COQ8A: variants seen among roughly 807,000 people sequenced by gnomAD.
The protein encoded by COQ8A is atypical kinase COQ8A, mitochondrial.
Under a neutral mutation model 65.0 loss-of-function variants are expected in COQ8A, and 51 were observed. The observed-to-expected ratio is 0.78, with a 90% CI of 0.63 to 0.99. COQ8A has a LOEUF of 0.99. COQ8A is among the 50% of genes least tolerant of loss of function. The probability of loss-of-function intolerance (pLI) is 0.00; values close to 1 mark genes in which losing one functional copy is unlikely to be tolerated. For missense variants in COQ8A, 940 were observed against 875.0 expected, an observed-to-expected ratio of 1.07 and a Z score of -0.94; for synonymous variants, 371 against 353.2, an observed-to-expected ratio of 1.05 and a Z score of -0.57.
intron 1 of COQ8A, among the ~76,000 whole-genome samples, chr1:226,953,218 T>TG (rs1657497009): frequency 6.6e-6 from 1 of 152,060 alleles, no homozygotes; most frequent in Non-Finnish European, 1.5e-5. Context: ...TTAGTAGAGA[T>TG]GGGGTTTCAC....
At chr1:226,953,639 GGGGAAGGACGGAGGCTT>G in intron 1 of COQ8A, among the ~76,000 whole-genome samples, 1 of 152,174 alleles carries the variant, frequency 6.6e-6, no homozygotes, top group Non-Finnish European at 1.5e-5. Context: ...CTCACTGACG[GGGGAAGGACGGAGGCTT>G]TTTTCCCTCT....
At chr1:226,954,231 G>C (rs77140491) in intron 1 of COQ8A, among the ~76,000 whole-genome samples, 4,633 of 152,300 alleles carry the variant, frequency 0.03, 259 homozygotes, top group African/African-American at 0.11. Context: ...TCTGTTTCTT[G>C]AAGAATAATG....
intron 1 of COQ8A, among the ~76,000 whole-genome samples, chr1:226,942,842 G>T (rs974322362): frequency 2.0e-5 from 3 of 152,142 alleles, no homozygotes; most frequent in Non-Finnish European, 4.4e-5. Context: ...ACATATTTAC[G>T]TGTGTGTGGA....
chr1:226,983,611 C>T lies in COQ8A; in HGVS notation c.1140C>T (p.Asn380=), dbSNP rs367878969. ...TCAACAACCTCATGGCCGTGTTGAA[C>T]ATGAGCAACATGCTTCCAGAAGGTC... is the stretch of plus-strand genomic sequence containing the variant. ...SDVNNLMAVL[N]MSNMLPEGLF... is the part of the protein sequence containing the mutation. The change falls in exon 9 of 15, where the codon AAC becomes AAT. Residue 380 remains asparagine, a synonymous_variant. Transcript: ENST00000366777. The T allele has an allele frequency of 1.5e-5, 25 of 1,613,868 alleles. No individual in the cohort carries two copies. The highest frequency in any genetic ancestry group is 1.6e-4 in the Middle Eastern group (1 of 6,084).
intron 5 of COQ8A, among the ~76,000 whole-genome samples, chr1:226,978,594 C>G (rs1322088094): frequency 1.3e-5 from 1 of 77,254 alleles, no homozygotes. Context: ...TCTCCACACA[C>G]TCTACCCTCT....
At chr1:226,965,448 C>G in intron 3 of COQ8A, 38 bp downstream of exon 3, 2 of 1,593,404 alleles carry the variant, frequency 1.3e-6, no homozygotes, top group Non-Finnish European at 1.7e-6. Context: ...GAGGTAGCTG[C>G]CACCCACAGC....
At chr1:226,981,766 C>G (rs1438883420) in intron 5 of COQ8A, among the ~76,000 whole-genome samples, 1 of 152,182 alleles carries the variant, frequency 6.6e-6, no homozygotes, top group Non-Finnish European at 1.5e-5. Context: ...GGGAGAGGCC[C>G]TTTGTGTGTG....
intron 5 of COQ8A, among the ~76,000 whole-genome samples, chr1:226,978,451 TACAC>T (rs1232771533): frequency 1.6e-5 from 2 of 128,962 alleles, no homozygotes; most frequent in Non-Finnish European, 3.3e-5. Context: ...CACACCTCCT[TACAC>T]ACCCTCCACA....
chr1:226,976,075 G>C (rs945218713), intron 4 of COQ8A, among the ~76,000 whole-genome samples: 2 of 149,634 alleles, frequency 1.3e-5, no homozygotes, highest in Non-Finnish European at 1.5e-5. Flanking sequence ...GGGCTGTGGC[G>C]CTGCGATGTT....
At chr1:226,985,667 C>T (rs1180371421) in intron 14 of COQ8A, among the ~76,000 whole-genome samples, 3 of 152,188 alleles carry the variant, frequency 2.0e-5, no homozygotes, top group Non-Finnish European at 4.4e-5. Context: ...CTCCCCTCAT[C>T]GAGCCTCCCT....
At chr1:226,966,331 A>G (rs1404625617) in intron 4 of COQ8A, among the ~76,000 whole-genome samples, 1 of 152,146 alleles carries the variant, frequency 6.6e-6, no homozygotes, top group African/African-American at 2.4e-5. Flanking sequence ...CGCTCTTTTT[A>G]TAGAAGTTGA....
intron 1 of COQ8A, among the ~76,000 whole-genome samples, chr1:226,956,849 C>G (rs1230422559): frequency 5.7e-4 from 75 of 132,728 alleles, no homozygotes; most frequent in Non-Finnish European, 1.0e-3. Context: ...CTGGCTCTCA[C>G]TCTCCCTGGT....
chr1:226,956,634 T>A (rs556461244), intron 1 of COQ8A, among the ~76,000 whole-genome samples: 24 of 91,300 alleles, frequency 2.6e-4, no homozygotes, highest in African/African-American at 1.1e-3. Flanking sequence ...TGGTTCACAC[T>A]CTCCCTGGCT....
At chr1:226,944,732 AGAGAGAGAGAGAGAGAGTGAGAGAGAGAG>A (rs1656908334) in intron 1 of COQ8A, among the ~76,000 whole-genome samples, 1 of 33,738 alleles carries the variant, frequency 3.0e-5, no homozygotes, top group South Asian at 1.6e-3. Flanking sequence ...AGAGAGAGAG[AGAGAGAGAGAGAGAGAGTGAGAGAGAGAG>A]AGTGAGAGAG....
intron 5 of COQ8A, among the ~76,000 whole-genome samples, chr1:226,977,847 CACA>C (rs1449222450): frequency 2.6e-5 from 4 of 151,698 alleles, no homozygotes; most frequent in Admixed American, 6.6e-5. Context: ...AACACCCACA[CACA>C]ACCCCTGCAC....
At chr1:226,968,263 A>G (rs1658678335) in intron 4 of COQ8A, among the ~76,000 whole-genome samples, 1 of 152,150 alleles carries the variant, frequency 6.6e-6, no homozygotes, top group Admixed American at 6.5e-5. Context: ...TGAGCCCAGG[A>G]GGGAGAGGTT....
At chr1:226,977,173 G>A (rs1175480793) in intron 4 of COQ8A, among the ~76,000 whole-genome samples, 4 of 152,176 alleles carry the variant, frequency 2.6e-5, no homozygotes, top group Non-Finnish European at 5.9e-5. Context: ...TGGGGTGTCC[G>A]TGTGCCCGTG....
intron 4 of COQ8A, among the ~76,000 whole-genome samples, chr1:226,970,666 T>C (rs1658848974): frequency 6.6e-6 from 1 of 152,200 alleles, no homozygotes; most frequent in Admixed American, 6.5e-5. Context: ...CTTATTACAA[T>C]ATAAAAATAA....
Position 226,983,044 on chromosome 1 carries a change from C to G in COQ8A, c.1080+10C>G, listed in dbSNP as rs1236699087. The G allele has an allele frequency of 6.3e-7, 1 of 1,576,682 alleles. No individual in the cohort carries two copies. Among genetic ancestry groups the G allele is most frequent in the African/African-American group, 1.3e-5 (1 of 74,132 alleles). ...GGCCATGAAGATCCAGGTAGGCGGC[C>G]TGATGCGCAGTGCCTGTCCCTATGG... On this transcript the variant is annotated intron_variant, in intron 8 of 14. Transcript: ENST00000366777.
Sources: gnomAD v4.1 joint callset for allele counts (sites outside exome capture counted in the v4.1 genomes callset) on GRCh38, gnomAD v4.1.1 for gene constraint, MANE v1.5 for transcripts, NCBI Gene and HGNC (gene_info 2026-07-23, HGNC 2026-07-21) for gene names.